Variants in MAP4K3 observed in about 807,000 individuals in gnomAD.
MAP4K3 encodes MAPK/ERK kinase kinase kinase 3.
A neutral mutation model predicts 143.5 loss-of-function variants in MAP4K3; 94 were observed. That is an observed-to-expected ratio of 0.65 (90% CI 0.55 to 0.78). The LOEUF (loss-of-function observed/expected upper bound fraction) is 0.78. MAP4K3 is among the 30% of genes least tolerant of loss of function. The pLI, the probability that MAP4K3 is intolerant of heterozygous loss-of-function variation, is 0.00. For synonymous variants in MAP4K3, 416 were observed against 347.2 expected, an observed-to-expected ratio of 1.20 and a Z score of -2.20; for missense variants, 1,077 against 1,068.1, an observed-to-expected ratio of 1.01 and a Z score of -0.12.
chr2:39,287,967 G>C (rs932764660), intron 20 of MAP4K3, among the ~76,000 whole-genome samples, 154 bp downstream of exon 20: 1 of 152,160 alleles, frequency 6.6e-6, no homozygotes, highest in Non-Finnish European at 1.5e-5. Context: ...AACACTTTAA[G>C]CTAGTAGGCA....
At chr2:39,284,471 T>A (rs1427962614) in intron 21 of MAP4K3, among the ~76,000 whole-genome samples, 1 of 152,158 alleles carries the variant, frequency 6.6e-6, no homozygotes, top group Non-Finnish European at 1.5e-5. Context: ...TAGCAAAACA[T>A]CATTTTAAAT....
At chr2:39,302,570 G>C (rs1682552347) in intron 15 of MAP4K3, among the ~76,000 whole-genome samples, 1 of 152,218 alleles carries the variant, frequency 6.6e-6, no homozygotes, top group Admixed American at 6.5e-5. Flanking sequence ...TTTCAAAAAG[G>C]ATTTGGAAGT....
intron 3 of MAP4K3, among the ~76,000 whole-genome samples, chr2:39,355,262 G>C (rs955305415): frequency 6.6e-6 from 1 of 150,944 alleles, no homozygotes; most frequent in African/African-American, 2.4e-5. Context: ...TCAGGAGGCT[G>C]AGGCAGGGGA....
In MAP4K3 at chr2:39,250,821, C is replaced by T. The variant is rs115499149; in HGVS notation, c.2598-116G>A. ...CCTCTATAAATGCTGCTCATTTGAT[C>T]GTGGGCAGAAATCATTTGCTATCAC... On this transcript the variant is annotated intron_variant, in intron 33 of 33. Coordinates refer to ENST00000263881, the MANE Select transcript of MAP4K3 (RefSeq NM_003618.4). 6.4e-4 allele frequency: 490 copies of T among 761,694 alleles called. 4 individuals are homozygous for T. In the African/African-American group the frequency reaches 7.0e-3, roughly 11 times the overall value. The allele number at this position is 761,694 out of a possible 1,614,324, so 47.2% of individuals were successfully genotyped here. A position where few individuals can be genotyped will look rare whatever the true frequency, so the allele number is the denominator to read the frequency against.
At chr2:39,346,587 C>T (rs1049230864) in intron 3 of MAP4K3, among the ~76,000 whole-genome samples, 6 of 152,092 alleles carry the variant, frequency 3.9e-5, no homozygotes, top group Non-Finnish European at 7.4e-5. Flanking sequence ...TTTAAAGTAT[C>T]CTAATTGGAA....
chr2:39,385,789 C>T (rs1036935743), intron 1 of MAP4K3, among the ~76,000 whole-genome samples: 19 of 151,550 alleles, frequency 1.3e-4, no homozygotes, highest in African/African-American at 4.6e-4. Context: ...GCCACCACAC[C>T]CGGCTAATTT....
At chr2:39,292,911 A>G in intron 17 of MAP4K3, 85 bp from the exon 18 acceptor site, 1 of 1,125,132 alleles carries the variant, frequency 8.9e-7, no homozygotes, top group South Asian at 1.3e-5. Flanking sequence ...AGGAAAAGCT[A>G]CTGTAAGATA....
At chr2:39,299,970 T>C (rs1361709884) in intron 15 of MAP4K3, 169 bp from the exon 16 acceptor site, 4 of 346,682 alleles carry the variant, frequency 1.2e-5, no homozygotes, top group African/African-American at 4.3e-5. Context: ...ATAGTCCTGA[T>C]TTAAGTATTT....
intron 2 of MAP4K3, among the ~76,000 whole-genome samples, chr2:39,374,687 A>T (rs890515111): frequency 6.6e-5 from 10 of 151,614 alleles, no homozygotes; most frequent in East Asian, 1.9e-4. Flanking sequence ...ATCACAAATT[A>T]AAAAAAAATT....
chr2:39,436,877 G>T lies in MAP4K3; in HGVS notation c.96+15C>A, dbSNP rs371837228. 1.3e-6 allele frequency: 2 copies of T among 1,589,452 alleles called. No homozygotes were observed. Among genetic ancestry groups the T allele is most frequent in the East Asian group, 2.3e-5 (1 of 42,790 alleles). The stretch of plus-strand genomic sequence containing the variant: ...GGATCCCACGGCCTCGGCGGCGCGC[G>T]GCCCCTGCCTTTACCTTGTAGACGT... On this transcript the variant is annotated intron_variant, in intron 1 of 33. Transcript: ENST00000263881.
At chr2:39,333,765 T>C (rs1018229181) in intron 6 of MAP4K3, among the ~76,000 whole-genome samples, 191 bp from the exon 7 acceptor site, 55 of 152,172 alleles carry the variant, frequency 3.6e-4, no homozygotes, top group African/African-American at 1.3e-3. Context: ...AACTTGACTA[T>C]CTTTATAAAA....
intron 8 of MAP4K3, 58 bp from the exon 9 acceptor site, chr2:39,326,335 C>G: frequency 6.4e-7 from 1 of 1,566,072 alleles, no homozygotes; most frequent in Non-Finnish European, 8.7e-7. Flanking sequence ...CTTTATACTC[C>G]CACCCAGAGG....
intron 1 of MAP4K3, among the ~76,000 whole-genome samples, chr2:39,411,913 C>G (rs1226134782): frequency 6.6e-6 from 1 of 152,174 alleles, no homozygotes; most frequent in Non-Finnish European, 1.5e-5. Context: ...TCATGGCACT[C>G]TAGAGAGTTT....
rs370092842 is a variant in MAP4K3 at position 39,305,997 on chromosome 2, T to A, written c.1119+1946A>T. On this transcript the variant is annotated intron_variant, in intron 15 of 33. Transcript: ENST00000263881. ...GCACATGCCACCATGCCTAGCTAAT[T>A]TTTTGTATTTTTAGTAGAGACAGGG... Among the ~76,000 whole-genome samples the A allele has an allele frequency of 3.9e-3, 593 of 152,130 alleles. 6 individuals are homozygous for A. Among genetic ancestry groups the A allele is most frequent in the African/African-American group, 0.014 (563 of 41,516 alleles).
intron 13 of MAP4K3, among the ~76,000 whole-genome samples, chr2:39,311,594 G>C (rs1682939965): frequency 6.6e-6 from 1 of 152,222 alleles, no homozygotes; most frequent in Non-Finnish European, 1.5e-5. Context: ...GGCTCTCTCT[G>C]TTGGATCACT....
intron 1 of MAP4K3, among the ~76,000 whole-genome samples, chr2:39,407,023 A>C (rs1456431342): frequency 1.3e-5 from 2 of 152,240 alleles, no homozygotes; most frequent in Non-Finnish European, 2.9e-5. Context: ...AGAAGGGATA[A>C]TACATCATGA....
intron 31 of MAP4K3, among the ~76,000 whole-genome samples, chr2:39,254,861 T>C (rs1680287433): frequency 1.1e-4 from 16 of 152,150 alleles, no homozygotes; most frequent in Admixed American, 1.0e-3. Flanking sequence ...GTTAAAGCCA[T>C]GAGCCACTGT....
chr2:39,292,572 T>A (rs1240747141), intron 18 of MAP4K3, among the ~76,000 whole-genome samples: 3 of 152,170 alleles, frequency 2.0e-5, no homozygotes, highest in Non-Finnish European at 2.9e-5. Flanking sequence ...AGAAATAAAT[T>A]TCTGTTGTCT....
At chr2:39,293,450 T>A (rs1353275387) in intron 16 of MAP4K3, among the ~76,000 whole-genome samples, 182 bp from the exon 17 acceptor site, 1 of 152,328 alleles carries the variant, frequency 6.6e-6, no homozygotes, top group East Asian at 1.9e-4. Context: ...TTTAATAAAA[T>A]ACCTCTATTT....
Sources: allele counts gnomAD v4.1 joint callset (sites outside exome capture counted in the v4.1 genomes callset), GRCh38; gene constraint gnomAD v4.1.1; transcripts MANE v1.5; gene names NCBI Gene and HGNC (gene_info 2026-07-23, HGNC 2026-07-21).